Variants in MARCHF3 observed in about 807,000 individuals in gnomAD.
The protein encoded by MARCHF3 is E3 ubiquitin-protein ligase MARCHF3.
Under a neutral mutation model 24.2 loss-of-function variants are expected in MARCHF3, and 13 were observed. The observed-to-expected ratio is 0.54, with a 90% CI of 0.35 to 0.85. The LOEUF is 0.85. Ranked by LOEUF, MARCHF3 falls within the 40% of genes least tolerant of loss-of-function variation. The probability of loss-of-function intolerance (pLI) is 0.01; values close to 1 mark genes in which losing one functional copy is unlikely to be tolerated. For missense variants in MARCHF3, 276 were observed against 325.0 expected (o/e 0.85, Z 1.16); for synonymous variants, 144 against 137.3 (o/e 1.05, Z -0.34).
At chr5:126,952,882 A>G (rs1750302395) in intron 1 of MARCHF3, among the ~76,000 whole-genome samples, 1 of 152,186 alleles carries the variant, frequency 6.6e-6, no homozygotes, top group African/African-American at 2.4e-5. Flanking sequence ...TCTTCCACAG[A>G]TTCTCTAGAA....
chr5:126,994,605 A>G (rs1580716527), intron 1 of MARCHF3, among the ~76,000 whole-genome samples: 1 of 152,238 alleles, frequency 6.6e-6, no homozygotes, highest in Non-Finnish European at 1.5e-5. Flanking sequence ...TTAACCTCCC[A>G]CTTACATCAA....
intron 3 of MARCHF3, among the ~76,000 whole-genome samples, chr5:126,907,234 C>T (rs1322452253): frequency 3.9e-4 from 57 of 145,098 alleles, no homozygotes; most frequent in Non-Finnish European, 6.9e-4. Context: ...AGCTTTACTT[C>T]CAAGTATGTG....
In MARCHF3 at chr5:126,954,495, T is replaced by C. The variant is rs1443575193; in HGVS notation, c.-56-36268A>G. 2.0e-5 allele frequency among the ~76,000 whole-genome samples: 3 copies of C among 152,008 alleles called. No homozygotes were observed. In the South Asian group the frequency reaches 6.2e-4, roughly 32 times the overall value. ...AAGCAATCCCTCTGCCTCAGCTTCC[T>C]GGATAGGTAGGACTGCAGGTATGTG... is the stretch of plus-strand genomic sequence containing the variant. On this transcript the variant is annotated intron_variant, in intron 1 of 4. Transcript: ENST00000308660.
At chr5:126,989,296 T>C (rs1366006420) in intron 1 of MARCHF3, among the ~76,000 whole-genome samples, 1 of 148,940 alleles carries the variant, frequency 6.7e-6, no homozygotes, top group East Asian at 2.0e-4. Flanking sequence ...CTACTACTAC[T>C]ACTACTACTA....
chr5:126,931,338 T>G (rs1367537180), intron 1 of MARCHF3, among the ~76,000 whole-genome samples: 1 of 152,172 alleles, frequency 6.6e-6, no homozygotes, highest in African/African-American at 2.4e-5. Flanking sequence ...GTGGAGGACT[T>G]TCACGCATTT....
At chr5:126,895,876 C>G (rs2126779306) in intron 3 of MARCHF3, among the ~76,000 whole-genome samples, 1 of 152,288 alleles carries the variant, frequency 6.6e-6, no homozygotes, top group East Asian at 1.9e-4. Flanking sequence ...TTTACCTAAT[C>G]AAGCCTGGGC....
Position 126,952,955 on chromosome 5 carries a change from C to T in MARCHF3, c.-56-34728G>A, listed in dbSNP as rs1750305467. Among the ~76,000 whole-genome samples, 2 of 152,090 alleles carry T rather than the reference C, an allele frequency of 1.3e-5. 1 individual carries two copies. Among genetic ancestry groups the T allele is most frequent in the South Asian group, 4.1e-4 (2 of 4,828 alleles). On this transcript the variant is annotated intron_variant, in intron 1 of 4. Coordinates refer to ENST00000308660, the MANE Select transcript of MARCHF3 (RefSeq NM_178450.5). ...ATTATGATTCTATAGATATTATTTGCTTCAGAACCAAGTAGTGTAATTGTA... is the reference window on the plus strand; with the variant it reads ...ATTATGATTCTATAGATATTATTTGTTTCAGAACCAAGTAGTGTAATTGTA...
chr5:126,968,677 G>C (rs1447638941), intron 1 of MARCHF3, among the ~76,000 whole-genome samples: 1 of 152,190 alleles, frequency 6.6e-6, no homozygotes, highest in Non-Finnish European at 1.5e-5. Context: ...CTGGGTTCAA[G>C]TGATTCTCGT....
Position 126,868,589 on chromosome 5 carries a change from A to G in MARCHF3, c.*2044T>C, listed in dbSNP as rs1201544075. 6.6e-6 allele frequency: 1 copy of G among 152,230 alleles called. No homozygotes were observed. Among genetic ancestry groups the G allele is most frequent in the African/African-American group, 2.4e-5 (1 of 41,452 alleles). The allele number at this position is 152,230 out of a possible 1,614,324, so 9.4% of individuals were successfully genotyped here. On this transcript the variant is annotated 3_prime_UTR_variant, in exon 5 of 5. Coordinates refer to ENST00000308660, the MANE Select transcript of MARCHF3 (RefSeq NM_178450.5). ...AACCAAGATGGCAGGAATTCTCTGC[A>G]GCCAACCTTGACAGGAAATCATCCT... is the stretch of plus-strand genomic sequence containing the variant.
intron 1 of MARCHF3, among the ~76,000 whole-genome samples, chr5:127,008,539 C>T (rs1229443481): frequency 6.6e-6 from 1 of 152,186 alleles, no homozygotes; most frequent in Non-Finnish European, 1.5e-5. Flanking sequence ...TTAACAGCTG[C>T]AAATGGGAGG....
At chr5:126,983,641 T>C (rs1751464378) in intron 1 of MARCHF3, among the ~76,000 whole-genome samples, 1 of 152,164 alleles carries the variant, frequency 6.6e-6, no homozygotes, top group Non-Finnish European at 1.5e-5. Flanking sequence ...CAATTTATGA[T>C]TTATGATGCT....
chr5:126,953,634 C>T (rs554136677), intron 1 of MARCHF3, among the ~76,000 whole-genome samples: 30 of 152,302 alleles, frequency 2.0e-4, no homozygotes, highest in Non-Finnish European at 4.1e-4. Flanking sequence ...CTGATTCTTA[C>T]TTCTTTGTAA....
chr5:126,878,109 C>A, intron 4 of MARCHF3, 76 bp downstream of exon 4: 2 of 1,445,242 alleles, frequency 1.4e-6, no homozygotes, highest in Non-Finnish European at 1.9e-6. Context: ...GTGTTACAGA[C>A]AAGAGGAAAG....
chr5:127,000,011 G>C (rs1341701373), intron 1 of MARCHF3, among the ~76,000 whole-genome samples: 1 of 148,836 alleles, frequency 6.7e-6, no homozygotes, highest in Non-Finnish European at 1.5e-5. Flanking sequence ...ATTCTATAAA[G>C]TACATTAGAA....
At chr5:126,982,475 G>T (rs1751424907) in intron 1 of MARCHF3, among the ~76,000 whole-genome samples, 2 of 152,216 alleles carry the variant, frequency 1.3e-5, no homozygotes, top group Non-Finnish European at 2.9e-5. Context: ...TACTGGAGGG[G>T]AAGCTGACCT....
intron 3 of MARCHF3, among the ~76,000 whole-genome samples, chr5:126,907,306 T>C (rs1015010358): frequency 2.9e-5 from 4 of 139,812 alleles, no homozygotes; most frequent in African/African-American, 1.1e-4. Flanking sequence ...TGATTTGGGG[T>C]GGAGAGTTCT....
chr5:126,885,339 A>T (rs900321531), intron 3 of MARCHF3, among the ~76,000 whole-genome samples: 4 of 152,164 alleles, frequency 2.6e-5, no homozygotes, highest in African/African-American at 4.8e-5. Context: ...AGGCTGAGGC[A>T]GGTGGATCGT....
At chr5:126,870,975 A>C (rs1304952061) in intron 4 of MARCHF3, among the ~76,000 whole-genome samples, 184 bp from the exon 5 acceptor site, 1 of 152,270 alleles carries the variant, frequency 6.6e-6, no homozygotes, top group East Asian at 1.9e-4. Flanking sequence ...CACCAGCCAA[A>C]GAGCACCCTA....
chr5:126,931,244 T>G (rs1425241023), intron 1 of MARCHF3, among the ~76,000 whole-genome samples: 3 of 152,162 alleles, frequency 2.0e-5, no homozygotes, highest in Non-Finnish European at 4.4e-5. Context: ...GTTGTTGTTG[T>G]TTTTTGGTTT....
Sources: allele counts gnomAD v4.1 joint callset (sites outside exome capture counted in the v4.1 genomes callset), GRCh38; gene constraint gnomAD v4.1.1; transcripts MANE v1.5; gene names NCBI Gene and HGNC (gene_info 2026-07-23, HGNC 2026-07-21).